CCDC85C: variants seen among roughly 807,000 people sequenced by gnomAD.
CCDC85C encodes the protein coiled-coil domain-containing protein 85C.
CCDC85C carries 18 observed loss-of-function variants against 38.3 expected under a neutral mutation model. The observed-to-expected ratio is 0.47, with a 90% CI of 0.33 to 0.70. CCDC85C has a LOEUF of 0.70. Among genes scored for constraint, CCDC85C ranks in the 30% least tolerant of loss-of-function variants. The pLI, the probability that CCDC85C is intolerant of heterozygous loss-of-function variation, is 0.03. For synonymous variants in CCDC85C, 264 were observed against 293.8 expected (o/e 0.90, Z 1.04); for missense variants, 566 against 621.2 (o/e 0.91, Z 0.94).
intron 3 of CCDC85C, 120 bp from the exon 4 acceptor site, chr14:99,517,303 G>C (rs563508992): frequency 1.3e-6 from 1 of 763,488 alleles, no homozygotes; most frequent in African/African-American, 1.8e-5. Context: ...AAAGGGGACC[G>C]GGGTGAGGCA....
At position 99,517,190 on chromosome 14, in the gene CCDC85C, A is replaced by C. The variant is rs1443124618; in HGVS notation, c.976-7T>G. 1.0e-5 allele frequency: 16 copies of C among 1,535,932 alleles called. No homozygotes were observed. ...GTGCGGGGCAGGCCGGGCCCTGGGG[A>C]AGGCAATCACACATCTCAGCTCACC... On this transcript the variant is annotated splice_polypyrimidine_tract_variant and splice_region_variant and intron_variant, in intron 3 of 5. Transcript: ENST00000380243.
chr14:99,551,349 G>A (rs1023170361), intron 1 of CCDC85C, among the ~76,000 whole-genome samples: 2 of 152,228 alleles, frequency 1.3e-5, no homozygotes, highest in Non-Finnish European at 2.9e-5. Context: ...AGGTGAACAG[G>A]TGAATGAGTG....
intron 1 of CCDC85C, among the ~76,000 whole-genome samples, chr14:99,602,922 G>A (rs1486868220): frequency 6.6e-6 from 1 of 152,158 alleles, no homozygotes; most frequent in Non-Finnish European, 1.5e-5. Context: ...ACTTTTCTGG[G>A]ACCGGACCGG....
Position 99,501,543 on chromosome 14 carries a change from T to C in CCDC85C, c.*13703A>G. On this transcript the variant is annotated 3_prime_UTR_variant, in exon 6 of 6. Transcript: ENST00000380243. ...TGCCCTGGCTTGAGGAGCCAGTTAA[T>C]GGCAAAGCTGGGGCTGACGTCCAGG... The C allele has an allele frequency of 1.5e-6, 1 of 650,880 alleles. No homozygotes were observed. 40.3% of individuals were successfully genotyped at this position (650,880 alleles called of 1,614,324 possible).
At position 99,516,884 on chromosome 14, in the gene CCDC85C, G is replaced by A. The variant is rs1897234417; in HGVS notation, c.1071+204C>T. ...GTCTTGTTAGGTGCAGTAGCTCAGG[G>A]ATGGCAGACAGGTGACACACTTATG... On this transcript the variant is annotated intron_variant, in intron 4 of 5. Transcript: ENST00000380243. This position sits in a 1 kb window ranked among gnomAD's most constrained non-coding sequence, Gnocchi z 5.5. Among the ~76,000 whole-genome samples the A allele has an allele frequency of 6.6e-6, 1 of 152,098 alleles. No homozygotes were observed. The highest frequency in any genetic ancestry group is 2.4e-5 in the African/African-American group (1 of 41,410).
At chr14:99,577,834 C>T (rs1898520010) in intron 1 of CCDC85C, among the ~76,000 whole-genome samples, 1 of 146,730 alleles carries the variant, frequency 6.8e-6, no homozygotes, top group Non-Finnish European at 1.5e-5. Flanking sequence ...ACCCATACAG[C>T]CCGTCCTGTA....
In CCDC85C at chr14:99,510,327, A is replaced by T; in HGVS notation, c.*4919T>A. On this transcript the variant is annotated 3_prime_UTR_variant, in exon 6 of 6. Transcript: ENST00000380243. ...GCCCCCACCCCCCTCCAGCTACATG[A>T]CCGGGATGTCCACCACCAGCTCCTA... 8.1e-7 allele frequency: 1 copy of T among 1,230,656 alleles called. No individual in the cohort carries two copies. Among genetic ancestry groups the T allele is most frequent in the Non-Finnish European group, 1.1e-6 (1 of 897,588 alleles). The allele number at this position is 1,230,656 out of a possible 1,614,324, so 76.2% of individuals were successfully genotyped here. A position where few individuals can be genotyped will look rare whatever the true frequency, so the allele number is the denominator to read the frequency against.
Position 99,549,615 on chromosome 14 carries a change from C to T in CCDC85C, c.794-13527G>A, listed in dbSNP as rs182012652. ...GAGGACTCAGAGGGCAGGACAGGAACGCAACTGGGTCTCCTGCGAGACACT... is the reference window on the plus strand; with the variant it reads ...GAGGACTCAGAGGGCAGGACAGGAATGCAACTGGGTCTCCTGCGAGACACT... On this transcript the variant is annotated intron_variant, in intron 1 of 5. Coordinates refer to ENST00000380243, the MANE Select transcript of CCDC85C (RefSeq NM_001144995.2). Among the ~76,000 whole-genome samples the T allele has an allele frequency of 1.0e-3, 153 of 152,334 alleles. No individual in the cohort carries two copies. In the Middle Eastern group the frequency reaches 0.041, roughly 41 times the overall value.
intron 1 of CCDC85C, among the ~76,000 whole-genome samples, chr14:99,580,961 A>G (rs1189124343): frequency 6.6e-6 from 1 of 152,218 alleles, no homozygotes. Context: ...AGCACCTCCA[A>G]CTTTATTTTC....
chr14:99,568,406 C>T (rs1292150340), intron 1 of CCDC85C, among the ~76,000 whole-genome samples: 1 of 152,116 alleles, frequency 6.6e-6, no homozygotes, highest in Non-Finnish European at 1.5e-5. Context: ...CTCCTAACTC[C>T]TCCTTCCTCC....
rs1595316135 is a variant in CCDC85C, at chr14:99,502,168, G to A, written c.*13078C>T. On this transcript the variant is annotated 3_prime_UTR_variant, in exon 6 of 6. Transcript: ENST00000380243. The stretch of plus-strand genomic sequence containing the variant: ...TGCACTGGTTTAATCATAAATATTA[G>A]ATCATATTATCTAACCTTTTTTTTT... 2 of 1,535,224 alleles carry A rather than the reference G, an allele frequency of 1.3e-6. No individual in the cohort carries two copies. Among genetic ancestry groups the A allele is most frequent in the East Asian group, 4.9e-5 (2 of 40,896 alleles).
intron 1 of CCDC85C, among the ~76,000 whole-genome samples, chr14:99,557,230 T>C (rs904925110): frequency 1.3e-5 from 2 of 152,160 alleles, no homozygotes; most frequent in Non-Finnish European, 2.9e-5. Context: ...AAGCAGAAAG[T>C]GCTGTAGTCG....
In CCDC85C at chr14:99,520,758, A is replaced by G. The variant is rs767952113; in HGVS notation, c.975+1375T>C. The stretch of plus-strand genomic sequence containing the variant: ...ACGCACTCACCATGGGGCCCTGGCC[A>G]TCCACCCCACCCCTGTGAGCCTCAC... On this transcript the variant is annotated intron_variant, in intron 3 of 5. Coordinates refer to ENST00000380243, the MANE Select transcript of CCDC85C (RefSeq NM_001144995.2). This position sits in a 1 kb window ranked among gnomAD's most constrained non-coding sequence, Gnocchi z 4.1. Among the ~76,000 whole-genome samples the G allele has an allele frequency of 1.3e-5, 2 of 152,184 alleles. No homozygotes were observed. Among genetic ancestry groups the G allele is most frequent in the Non-Finnish European group, 2.9e-5 (2 of 68,030 alleles).
intron 1 of CCDC85C, among the ~76,000 whole-genome samples, chr14:99,590,950 G>A (rs910530478): frequency 1.2e-4 from 18 of 152,202 alleles, no homozygotes; most frequent in Admixed American, 2.6e-4. Flanking sequence ...CGCCAGGGAC[G>A]GCCAGAGTAA....
chr14:99,583,799 C>T (rs188278297), intron 1 of CCDC85C, among the ~76,000 whole-genome samples: 3 of 140,886 alleles, frequency 2.1e-5, no homozygotes, highest in Non-Finnish European at 4.5e-5. Flanking sequence ...CAAAGCAAGG[C>T]TCTGTCTTAA....
rs151284826 is a variant in CCDC85C, at chr14:99,573,297, G to A, written c.793+29870C>T. Among the ~76,000 whole-genome samples, 1,409 of 152,284 alleles carry A rather than the reference G, an allele frequency of 9.3e-3. 81 individuals carry two copies. Among genetic ancestry groups the A allele is most frequent in the Admixed American group, 0.077 (1,180 of 15,296 alleles). ...CTCTAGCAGGAACCCTCAGGGAGCC[G>A]GCTCTGCCTGGTGCATGGGTCGAGG... On this transcript the variant is annotated intron_variant, in intron 1 of 5. Coordinates refer to ENST00000380243, the MANE Select transcript of CCDC85C (RefSeq NM_001144995.2).
rs550301312 is a variant in CCDC85C at position 99,548,939 on chromosome 14, C to A, written c.794-12851G>T. Among the ~76,000 whole-genome samples, 6 of 152,306 alleles carry A rather than the reference C, an allele frequency of 3.9e-5. No individual in the cohort carries two copies. Among genetic ancestry groups the A allele is most frequent in the African/African-American group, 1.4e-4 (6 of 41,560 alleles). ...CAAAGTCTGAAAATCTGCAAAGCAT[C>A]CTCACATTGTTAGAGGCTTGCCAGG... On this transcript the variant is annotated intron_variant, in intron 1 of 5. Transcript: ENST00000380243. This position sits in a 1 kb window ranked among gnomAD's most constrained non-coding sequence, Gnocchi z 4.9.
chr14:99,515,156 G>C lies in CCDC85C; in HGVS notation c.*90C>G. Reference sequence around the variant, plus strand: ...TTCACCACAGAGGAAGAAGACAGGGGCTGGGCTGGAGGTCCTGCCCGTGTC... The same window carrying C: ...TTCACCACAGAGGAAGAAGACAGGGCCTGGGCTGGAGGTCCTGCCCGTGTC... On this transcript the variant is annotated 3_prime_UTR_variant, in exon 6 of 6. Transcript: ENST00000380243. 1.1e-6 allele frequency: 1 copy of C among 895,898 alleles called. No individual in the cohort carries two copies. The highest frequency in any genetic ancestry group is 1.7e-6 in the Non-Finnish European group (1 of 576,196). 55.5% of individuals were successfully genotyped at this position (895,898 alleles called of 1,614,324 possible). A position where few individuals can be genotyped will look rare whatever the true frequency, so the allele number is the denominator to read the frequency against.
intron 1 of CCDC85C, among the ~76,000 whole-genome samples, chr14:99,556,014 C>A (rs568114148): frequency 1.1e-4 from 16 of 152,236 alleles, no homozygotes; most frequent in Non-Finnish European, 2.4e-4. Flanking sequence ...AAGAACCGGT[C>A]TGTACTGTCA....
Sources: gnomAD v4.1 joint callset for allele counts (sites outside exome capture counted in the v4.1 genomes callset) on GRCh38, gnomAD v4.1.1 for gene constraint, Gnocchi (gnomAD v3.1) non-coding constraint, MANE v1.5 for transcripts, NCBI Gene and HGNC (gene_info 2026-07-23, HGNC 2026-07-21) for gene names.